The following POLR1C variants were observed in gnomAD, a reference collection of about 807,000 sequenced individuals.
POLR1C encodes the protein DNA-directed RNA polymerases I and III subunit RPAC1.
Under a neutral mutation model 38.3 loss-of-function variants are expected in POLR1C, and 42 were observed. The observed-to-expected ratio is 1.10, with a 90% confidence interval of 0.86 to 1.42. The LOEUF is 1.42. POLR1C is among the 40% of genes most tolerant of loss of function. POLR1C has a pLI of 0.00. For synonymous variants in POLR1C, 163 were observed against 163.9 expected (o/e 0.99, Z 0.04); for missense variants, 507 against 450.5 (o/e 1.13, Z -1.14).
chr6:43,538,771 C>G (rs549779789), intron 9 of POLR1C: 77 of 532,912 alleles, frequency 1.4e-4, no homozygotes, highest in Middle Eastern at 5.5e-4. Flanking sequence ...CTACATTTTT[C>G]TTTTTTTTTT....
chr6:43,521,923 A>G (rs1793213527), downstream of POLR1C, among the ~76,000 whole-genome samples: 1 of 152,244 alleles, frequency 6.6e-6, no homozygotes, highest in Admixed American at 6.5e-5. Flanking sequence ...CCCTGTTTCA[A>G]AAACAACAGA....
downstream of POLR1C, chr6:43,525,121 G>A (rs766477783): frequency 6.3e-7 from 1 of 1,575,992 alleles, no homozygotes; most frequent in Non-Finnish European, 8.6e-7. Flanking sequence ...TTGAGGAGAG[G>A]CCAGCAGAGC....
chr6:43,526,730 T>C (rs1793618933), intron 8 of POLR1C: 1 of 1,613,928 alleles, frequency 6.2e-7, no homozygotes, highest in Non-Finnish European at 8.5e-7. Flanking sequence ...GCACCCTTCT[T>C]TGAAACACAG....
At position 43,521,012 on chromosome 6, in the gene POLR1C, G is replaced by A. The variant is rs1010480660; in HGVS notation, c.886G>A (p.Val296Ile). Residue 296 changes from valine (V) to isoleucine (I), a missense_variant, in exon 8 of 9, where the codon GTT (valine) becomes ATT (isoleucine). By Grantham distance (29) the Val-to-Ile change is conservative. Transcript: ENST00000642195. The part of the protein sequence containing the change: ...EIFRNEKLKK[V>I]VRLARVRDHY... ...CTTCCGGAATGAGAAGCTAAAGAAG[G>A]TTGTGAGGCTTGCCCGGGTTCGAGA... 2.5e-6 allele frequency: 4 copies of A among 1,614,078 alleles called. No homozygotes were observed. In the African/African-American group the frequency reaches 5.3e-5, roughly 22 times the overall value.
chr6:43,526,575 C>T (rs1793606171), intron 8 of POLR1C: 1 of 1,222,800 alleles, frequency 8.2e-7, no homozygotes, highest in Non-Finnish European at 1.2e-6. Flanking sequence ...ATGATAACTA[C>T]ATGTAGGGTG....
rs769324397 is a variant in POLR1C at position 43,553,424 on chromosome 6, A to T, written c.*48+2413A>T. 18 of 1,604,010 alleles carry T rather than the reference A, an allele frequency of 1.1e-5. No individual in the cohort carries two copies. The African/African-American group carries it at 1.6e-4, about 14-fold the overall frequency. ...GGGTGATAACACTTTCCAAAAAAAGAGTCATGGCTTCCCACTGCACGAATG... is the reference window on the plus strand; with the variant it reads ...GGGTGATAACACTTTCCAAAAAAAGTGTCATGGCTTCCCACTGCACGAATG... On this transcript the variant is annotated intron_variant, in intron 10 of 10. Coordinates refer to the POLR1C transcript ENST00000607635.
downstream of POLR1C, among the ~76,000 whole-genome samples, chr6:43,532,973 T>C (rs1255823668): frequency 6.6e-6 from 1 of 152,048 alleles, no homozygotes; most frequent in Non-Finnish European, 1.5e-5. Flanking sequence ...GGTGAAACCC[T>C]GTCTCTACTA....
downstream of POLR1C, chr6:43,524,100 C>A: frequency 6.6e-7 from 1 of 1,512,410 alleles, no homozygotes; most frequent in Admixed American, 2.1e-5. Context: ...CCTGTAATCC[C>A]AACACTTTTG....
At chr6:43,539,724 A>C (rs377542160) in intron 9 of POLR1C, 28 of 632,826 alleles carry the variant, frequency 4.4e-5, no homozygotes, top group African/African-American at 5.5e-5. Flanking sequence ...CTCGGAGAAG[A>C]AGCTACATTT....
chr6:43,547,771 A>G (rs1220092330), intron 9 of POLR1C: 2 of 1,396,632 alleles, frequency 1.4e-6, no homozygotes, highest in Non-Finnish European at 2.0e-6. Context: ...TTTCTTCCAC[A>G]GGAGTTAACA....
intron 7 of POLR1C, 61 bp downstream of exon 7, chr6:43,520,835 A>G: frequency 4.4e-6 from 7 of 1,606,662 alleles, no homozygotes; most frequent in Non-Finnish European, 6.0e-6. Flanking sequence ...TCAAGGTGAC[A>G]GAAATAAAAA....
At chr6:43,543,413 A>G (rs1794799528) in intron 9 of POLR1C, among the ~76,000 whole-genome samples, 1 of 152,284 alleles carries the variant, frequency 6.6e-6, no homozygotes, top group South Asian at 2.1e-4. Flanking sequence ...TGATCGCAAC[A>G]CTGCACCCCA....
chr6:43,524,756 A>G (rs191967658), downstream of POLR1C: 2 of 1,592,870 alleles, frequency 1.3e-6, no homozygotes, highest in East Asian at 4.5e-5. Flanking sequence ...TGAATTTAGG[A>G]TAAGGCCCAA....
At chr6:43,544,118 T>C (rs552181026) in intron 9 of POLR1C, 2 of 152,934 alleles carry the variant, frequency 1.3e-5, no homozygotes, top group African/African-American at 4.8e-5. Flanking sequence ...ACTGAACTCT[T>C]AGAAAAGTAT....
downstream of POLR1C, chr6:43,521,671 A>G (rs942625744): frequency 6.0e-6 from 2 of 334,516 alleles, no homozygotes; most frequent in Non-Finnish European, 1.2e-5. Flanking sequence ...ACAGGCATGC[A>G]CCACCACACC....
intron 9 of POLR1C, chr6:43,538,790 T>A: frequency 1.3e-6 from 1 of 782,800 alleles, no homozygotes; most frequent in Non-Finnish European, 2.0e-6. Context: ...TTTCCCACGC[T>A]TAATTCACTT....
Position 43,542,398 on chromosome 6 carries a change from GTAAT to G in POLR1C, c.*5-8568_*5-8565del, listed in dbSNP as rs954013975. Among the ~76,000 whole-genome samples, 8 of 151,942 alleles carry G rather than the reference GTAAT, an allele frequency of 5.3e-5. 1 individual carries two copies. The highest frequency in any genetic ancestry group is 1.3e-4 in the Admixed American group (2 of 15,254). On this transcript the variant is annotated intron_variant, in intron 9 of 10. Coordinates refer to the POLR1C transcript ENST00000607635. ...CAAACTTTTCTCTACTAAAAAAATA[GTAAT>G]TTATTTATTTTTCAATTTTTTTTTT...
Position 43,549,688 on chromosome 6 carries a change from C to G in POLR1C, c.*5-1280C>G. 6 of 1,349,832 alleles carry G rather than the reference C, an allele frequency of 4.4e-6. No individual in the cohort carries two copies. The Admixed American group carries it at 1.3e-4, about 29-fold the overall frequency. 83.6% of individuals were successfully genotyped at this position (1,349,832 alleles called of 1,614,324 possible). ...GGGGCAAATTCACAATGATTTTTCA[C>G]AACCCTAAGAGTATAATGGAGTAAC... On this transcript the variant is annotated intron_variant, in intron 9 of 10. Transcript: ENST00000607635.
intron 9 of POLR1C, chr6:43,539,032 G>C: frequency 1.3e-6 from 2 of 1,546,636 alleles, no homozygotes; most frequent in Non-Finnish European, 1.8e-6. Context: ...CCTGGGCTGA[G>C]GTGTAGCAGT....
Sources: gnomAD v4.1 joint callset for allele counts (sites outside exome capture counted in the v4.1 genomes callset) on GRCh38, gnomAD v4.1.1 for gene constraint, MANE v1.5 for transcripts, NCBI Gene and HGNC (gene_info 2026-07-23, HGNC 2026-07-21) for gene names.